Variants in JPH2 observed in about 807,000 individuals in gnomAD.
The protein encoded by JPH2 is junctophilin-2.
In JPH2, 38 loss-of-function variants were observed where a neutral mutation model predicts 55.9. The observed-to-expected ratio is 0.68, with a 90% CI of 0.52 to 0.89. The LOEUF is 0.89. Ranked by LOEUF, JPH2 falls within the 40% of genes least tolerant of loss-of-function variation. JPH2 has a pLI of 0.00. For synonymous variants in JPH2, 480 were observed against 472.4 expected, an observed-to-expected ratio of 1.02 and a Z score of -0.21; for missense variants, 964 against 1,037.6, an observed-to-expected ratio of 0.93 and a Z score of 0.97.
chr20:44,139,594 A>G (rs1264537796), intron 2 of JPH2, among the ~76,000 whole-genome samples: 1 of 152,272 alleles, frequency 6.6e-6, no homozygotes, highest in African/African-American at 2.4e-5. Flanking sequence ...TATATGCTAC[A>G]GTATAATATG....
intron 1 of JPH2, among the ~76,000 whole-genome samples, chr20:44,165,401 C>T (rs958314174): frequency 1.3e-5 from 2 of 152,192 alleles, no homozygotes; most frequent in Non-Finnish European, 2.9e-5. Flanking sequence ...CTTCTCACCA[C>T]CTCCACTTCG....
chr20:44,149,514 A>G (rs539649800), intron 2 of JPH2, among the ~76,000 whole-genome samples: 1 of 152,214 alleles, frequency 6.6e-6, no homozygotes, highest in African/African-American at 2.4e-5. Flanking sequence ...TGGATGTGAG[A>G]GCTTTGGGGT....
chr20:44,148,852 A>C lies in JPH2; in HGVS notation c.1169+10766T>G, dbSNP rs534681989. On this transcript the variant is annotated intron_variant, in intron 2 of 5. Transcript: ENST00000372980. Reference sequence around the variant, plus strand: ...GCCGAGGTGGGTAGATCATGAGGTCAGGAGATCGAGACCATCCTGGCTAAC... The same window carrying C: ...GCCGAGGTGGGTAGATCATGAGGTCCGGAGATCGAGACCATCCTGGCTAAC... 5.9e-5 allele frequency among the ~76,000 whole-genome samples: 9 copies of C among 152,254 alleles called. No homozygotes were observed. The South Asian group carries it at 1.9e-3, about 32-fold the overall frequency.
rs749992945 is a variant in JPH2, at chr20:44,115,993, G to T, written c.1682C>A (p.Ala561Glu). Residue 561 changes from alanine to glutamate, a missense_variant, in exon 4 of 6, where the codon GCG (alanine) becomes GAG (glutamate). By Grantham distance (107) the Ala-to-Glu change is moderately radical. Coordinates refer to ENST00000372980, the MANE Select transcript of JPH2 (RefSeq NM_020433.5). ...ATAGCTGTGGTAGCCCTGGTAAAGC[G>T]CCACCTCCGGCTCCCGCGACGGCGC... is the stretch of plus-strand genomic sequence containing the variant. ...PPAPSREPEV[A>E]LYQGYHSYAV... The T allele has an allele frequency of 2.5e-6, 4 of 1,578,384 alleles. No homozygotes were observed. Among genetic ancestry groups the T allele is most frequent in the Non-Finnish European group, 3.4e-6 (4 of 1,170,394 alleles).
At chr20:44,149,951 T>A (rs1389664121) in intron 2 of JPH2, among the ~76,000 whole-genome samples, 1 of 115,374 alleles carries the variant, frequency 8.7e-6, no homozygotes, top group Non-Finnish European at 1.7e-5. Flanking sequence ...CACTCCAGCC[T>A]GGGCGACAGA....
chr20:44,149,955 C>A (rs1026651129), intron 2 of JPH2, among the ~76,000 whole-genome samples: 2 of 93,502 alleles, frequency 2.1e-5, no homozygotes, highest in African/African-American at 4.5e-5. Context: ...CCAGCCTGGG[C>A]GACAGAGGAA....
At chr20:44,170,656 T>TAA (rs1361276771) in intron 1 of JPH2, among the ~76,000 whole-genome samples, 2 of 152,188 alleles carry the variant, frequency 1.3e-5, no homozygotes, top group Admixed American at 6.6e-5. Context: ...CCCACCTTGA[T>TAA]AAAGACTATG....
intron 1 of JPH2, among the ~76,000 whole-genome samples, chr20:44,172,609 C>A (rs1278679118): frequency 6.6e-6 from 1 of 152,216 alleles, no homozygotes; most frequent in Non-Finnish European, 1.5e-5. Flanking sequence ...CCTCCCACCT[C>A]AGCCTCCCAA....
rs748682427 is a variant in JPH2, at chr20:44,114,881, G to T, written c.2011-5C>A. 6.3e-7 allele frequency: 1 copy of T among 1,595,564 alleles called. No homozygotes were observed. ...GATGAGGATGGTGTTGGGGACCTGG[G>T]AGCAGTGGAGAGAGGCTTCCTGAGT... On this transcript the variant is annotated splice_polypyrimidine_tract_variant and splice_region_variant and intron_variant, in intron 4 of 5. Transcript: ENST00000372980.
chr20:44,172,991 A>T (rs1049708783), intron 1 of JPH2, among the ~76,000 whole-genome samples: 1 of 152,232 alleles, frequency 6.6e-6, no homozygotes, highest in South Asian at 2.1e-4. Context: ...ACAGTAAAAA[A>T]AATCGATATA....
chr20:44,184,117 A>G (rs1487546697), intron 1 of JPH2, among the ~76,000 whole-genome samples: 3 of 152,212 alleles, frequency 2.0e-5, no homozygotes, highest in Non-Finnish European at 4.4e-5. Flanking sequence ...AGATTGTGCC[A>G]CTGCACTCCA....
intron 2 of JPH2, among the ~76,000 whole-genome samples, chr20:44,137,483 TCGCACCCCACC>T (rs774243619): frequency 2.0e-5 from 3 of 151,988 alleles, no homozygotes; most frequent in Non-Finnish European, 4.4e-5. Flanking sequence ...TGACACCCAC[TCGCACCCCACC>T]CCAGGCTGCT....
At chr20:44,152,996 A>G (rs1258258772) in intron 2 of JPH2, among the ~76,000 whole-genome samples, 2 of 152,246 alleles carry the variant, frequency 1.3e-5, no homozygotes, top group African/African-American at 4.8e-5. Flanking sequence ...TTTTCAATAA[A>G]TGTACTTACG....
At chr20:44,134,889 A>AAAAT (rs1555855997) in intron 2 of JPH2, among the ~76,000 whole-genome samples, 9 of 37,024 alleles carry the variant, frequency 2.4e-4, no homozygotes, top group South Asian at 1.6e-3. Flanking sequence ...TATATATATT[A>AAAAT]ATATATATTT....
chr20:44,153,504 A>T (rs1329968654), intron 2 of JPH2, among the ~76,000 whole-genome samples: 1 of 152,222 alleles, frequency 6.6e-6, no homozygotes, highest in Non-Finnish European at 1.5e-5. Context: ...AGCTATGATC[A>T]GCTTCGGAGT....
intron 1 of JPH2, among the ~76,000 whole-genome samples, chr20:44,175,006 A>G (rs1253043032): frequency 6.6e-6 from 1 of 152,090 alleles, no homozygotes; most frequent in Non-Finnish European, 1.5e-5. Context: ...CAAATTAAAA[A>G]AAAAGAAAAC....
chr20:44,136,438 C>T (rs1020502976), intron 2 of JPH2, among the ~76,000 whole-genome samples: 2 of 129,224 alleles, frequency 1.5e-5, no homozygotes, highest in South Asian at 2.6e-4. Flanking sequence ...TGGGACTCAT[C>T]GCCATCATCA....
intron 2 of JPH2, among the ~76,000 whole-genome samples, chr20:44,131,636 G>C (rs975265698): frequency 1.4e-4 from 21 of 152,090 alleles, no homozygotes; most frequent in Non-Finnish European, 2.8e-4. Flanking sequence ...AGGGTTAGCT[G>C]TTCCTGCCAT....
intron 2 of JPH2, among the ~76,000 whole-genome samples, chr20:44,143,407 C>T (rs1455824792): frequency 1.3e-5 from 2 of 152,190 alleles, no homozygotes; most frequent in African/African-American, 4.8e-5. Context: ...GCACAGCTGT[C>T]CAATTCCTGC....
Sources: allele counts gnomAD v4.1 joint callset (sites outside exome capture counted in the v4.1 genomes callset), GRCh38; gene constraint gnomAD v4.1.1; transcripts MANE v1.5; gene names NCBI Gene and HGNC (gene_info 2026-07-23, HGNC 2026-07-21).